The following GEMIN2 variants were observed in gnomAD, a reference collection of about 807,000 sequenced individuals.
GEMIN2 encodes the protein gem nuclear organelle associated protein 2, also known as gem-associated protein 2.
A neutral mutation model predicts 45.8 loss-of-function variants in GEMIN2; 37 were observed. The ratio of observed to expected loss-of-function variants is 0.81; its 90% confidence interval spans 0.62 to 1.06. The LOEUF (loss-of-function observed/expected upper bound fraction) is 1.06, where lower values mean the gene tolerates loss of function less well. Among genes scored for constraint, GEMIN2 ranks in the 50% least tolerant of loss-of-function variants. The pLI is 0.00. For synonymous variants in GEMIN2, 101 were observed against 111.5 expected (o/e 0.91, Z 0.60); for missense variants, 335 against 321.8 (o/e 1.04, Z -0.31).
intron 5 of GEMIN2, among the ~76,000 whole-genome samples, chr14:39,124,213 C>A (rs542465712): frequency 1.1e-4 from 17 of 152,144 alleles, no homozygotes; most frequent in Non-Finnish European, 2.2e-4. Flanking sequence ...TTAGCAATCA[C>A]AGCCTCAGAC....
chr14:39,133,660 G>A lies in GEMIN2; in HGVS notation c.712-1G>A. ...TTAAATTTTTCTTTTTTTTTTTTTA[G>A]GATAGCAAAGATGATGAGAGGGTTC... is the stretch of plus-strand genomic sequence containing the variant. On this transcript the variant is annotated splice_acceptor_variant, in intron 8 of 9. Transcript: ENST00000308317. LOFTEE classifies it high-confidence loss of function. 2 of 1,429,896 alleles carry A rather than the reference G, an allele frequency of 1.4e-6. No homozygotes were observed. Among genetic ancestry groups the A allele is most frequent in the Non-Finnish European group, 1.9e-6 (2 of 1,053,490 alleles). The allele number at this position is 1,429,896 out of a possible 1,614,324, so 88.6% of individuals were successfully genotyped here. A position where few individuals can be genotyped will look rare whatever the true frequency, so the allele number is the denominator to read the frequency against.
chr14:39,123,686 C>T (rs1301852216), intron 5 of GEMIN2, among the ~76,000 whole-genome samples: 55 of 44,886 alleles, frequency 1.2e-3, no homozygotes, highest in African/African-American at 5.1e-3. Context: ...TCAAAAATAG[C>T]TATATATATA....
At chr14:39,124,839 C>T (rs571393467) in intron 5 of GEMIN2, among the ~76,000 whole-genome samples, 153 bp from the exon 6 acceptor site, 2 of 151,836 alleles carry the variant, frequency 1.3e-5, no homozygotes, top group South Asian at 4.2e-4. Context: ...TAGTAGTTTC[C>T]GGAATGTCTC....
intron 5 of GEMIN2, chr14:39,122,748 T>G (rs922652920): frequency 2.6e-6 from 1 of 383,106 alleles, no homozygotes; most frequent in Non-Finnish European, 4.6e-6. Context: ...CTGCAAAGCC[T>G]AAAATATTTG....
intron 7 of GEMIN2, among the ~76,000 whole-genome samples, chr14:39,130,041 A>C (rs2052697419): frequency 6.7e-6 from 1 of 148,972 alleles, no homozygotes; most frequent in African/African-American, 2.5e-5. Context: ...CCCAAGTTCA[A>C]GCAATCCTCC....
intron 4 of GEMIN2, among the ~76,000 whole-genome samples, 164 bp from the exon 5 acceptor site, chr14:39,122,266 A>G (rs945493125): frequency 1.3e-5 from 2 of 152,142 alleles, no homozygotes; most frequent in Non-Finnish European, 2.9e-5. Context: ...CTGGAGTTTA[A>G]GGTTTTAACA....
chr14:39,118,823 C>G (rs1167960681), intron 4 of GEMIN2, among the ~76,000 whole-genome samples: 4 of 147,000 alleles, frequency 2.7e-5, no homozygotes, highest in Non-Finnish European at 6.0e-5. Flanking sequence ...TGCTCTGTCT[C>G]CCAGGCTAGA....
At chr14:39,123,626 C>T (rs2052601579) in intron 5 of GEMIN2, among the ~76,000 whole-genome samples, 1 of 134,102 alleles carries the variant, frequency 7.5e-6, no homozygotes. Flanking sequence ...GGTACTCTTT[C>T]TATATAACCA....
At chr14:39,135,442 C>T (rs970835798) in intron 9 of GEMIN2, among the ~76,000 whole-genome samples, 6 of 152,114 alleles carry the variant, frequency 3.9e-5, no homozygotes, top group African/African-American at 1.2e-4. Context: ...GAAAATTAGC[C>T]GGGCACGGTG....
intron 8 of GEMIN2, among the ~76,000 whole-genome samples, 165 bp downstream of exon 8, chr14:39,132,233 G>A (rs984562744): frequency 2.0e-5 from 3 of 152,120 alleles, no homozygotes; most frequent in Non-Finnish European, 2.9e-5. Flanking sequence ...AATGTTTTCT[G>A]AGATAAAGAA....
At chr14:39,125,652 C>T (rs1354314978) in intron 6 of GEMIN2, among the ~76,000 whole-genome samples, 4 of 152,158 alleles carry the variant, frequency 2.6e-5, no homozygotes, top group African/African-American at 9.6e-5. Flanking sequence ...CACATAACCC[C>T]ATTGCAAGTT....
chr14:39,123,007 T>C (rs2139341516), intron 5 of GEMIN2, among the ~76,000 whole-genome samples: 1 of 152,278 alleles, frequency 6.6e-6, no homozygotes, highest in Non-Finnish European at 1.5e-5. Context: ...CACAATTAGA[T>C]GCTTTAAAAT....
At chr14:39,122,569 CA>C in intron 5 of GEMIN2, 26 bp downstream of exon 5, 1 of 1,193,504 alleles carries the variant, frequency 8.4e-7, no homozygotes, top group Middle Eastern at 1.9e-4. Context: ...ATAAACAGAA[CA>C]AAAAGCATTT....
intron 9 of GEMIN2, among the ~76,000 whole-genome samples, chr14:39,135,187 T>C (rs926518687): frequency 2.0e-5 from 3 of 152,220 alleles, no homozygotes; most frequent in African/African-American, 7.2e-5. Flanking sequence ...CATTCAAGTG[T>C]ATTTTTTGCC....
chr14:39,117,526 C>T (rs2052524126), intron 2 of GEMIN2, among the ~76,000 whole-genome samples: 1 of 152,170 alleles, frequency 6.6e-6, no homozygotes. Flanking sequence ...CTTTTGGGAA[C>T]ATTCAAATCT....
chr14:39,122,861 T>C lies in GEMIN2; in HGVS notation c.486+318T>C, dbSNP rs2052590723. On this transcript the variant is annotated intron_variant, in intron 5 of 9. Transcript: ENST00000308317. The stretch of plus-strand genomic sequence containing the variant: ...TTTCTGAAACAATTTACTGTGACTT[T>C]TTTTAGTTTGGCTTCATATCCCTTA... Among the ~76,000 whole-genome samples, 4 of 152,228 alleles carry C rather than the reference T, an allele frequency of 2.6e-5. No individual in the cohort carries two copies. In the South Asian group the frequency reaches 8.3e-4, roughly 31 times the overall value.
At chr14:39,129,475 G>A (rs544629128) in intron 7 of GEMIN2, among the ~76,000 whole-genome samples, 13 of 152,146 alleles carry the variant, frequency 8.5e-5, no homozygotes, top group Admixed American at 2.0e-4. Flanking sequence ...GTGCAGTAGC[G>A]CGATCTCGGC....
At chr14:39,130,618 G>A (rs975417748) in intron 7 of GEMIN2, among the ~76,000 whole-genome samples, 1 of 152,198 alleles carries the variant, frequency 6.6e-6, no homozygotes, top group African/African-American at 2.4e-5. Context: ...GGATGGCTGA[G>A]TGGGGTGGCT....
At chr14:39,128,033 G>C (rs187608574) in intron 6 of GEMIN2, among the ~76,000 whole-genome samples, 2 of 127,156 alleles carry the variant, frequency 1.6e-5, no homozygotes, top group Admixed American at 1.0e-4. Context: ...GCACCAGTGC[G>C]CTCCAGCCTG....
Sources: gnomAD v4.1 joint callset for allele counts (sites outside exome capture counted in the v4.1 genomes callset) on GRCh38, gnomAD v4.1.1 for gene constraint, MANE v1.5 for transcripts, NCBI Gene and HGNC (gene_info 2026-07-23, HGNC 2026-07-21) for gene names.